WASF3: variants seen among roughly 807,000 people sequenced by gnomAD.
WASF3 encodes actin-binding protein WASF3.
A neutral mutation model predicts 46.6 loss-of-function variants in WASF3; 11 were observed. That is an observed-to-expected ratio of 0.24 (90% CI 0.15 to 0.39). WASF3 has a LOEUF of 0.39. WASF3 is among the 10% of genes least tolerant of loss of function. WASF3 has a pLI of 1.00. For missense variants in WASF3, 576 were observed against 669.8 expected (o/e 0.86, Z 1.55); for synonymous variants, 242 against 259.7 (o/e 0.93, Z 0.65).
At chr13:26,564,938 A>G (rs895463845) in intron 1 of WASF3, among the ~76,000 whole-genome samples, 1 of 100,174 alleles carries the variant, frequency 1.0e-5, no homozygotes, top group Non-Finnish European at 1.9e-5. Context: ...GTTTTGTTAC[A>G]TAGTCCTGTG....
chr13:26,559,808 C>CTT lies in WASF3; in HGVS notation c.-109+2014_-109+2015dup, dbSNP rs770616922. Among the ~76,000 whole-genome samples the CTT allele has an allele frequency of 3.1e-3, 226 of 73,420 alleles. 6 individuals are homozygous for CTT. Among genetic ancestry groups the CTT allele is most frequent in the Admixed American group, 0.017 (85 of 5,092 alleles). 48.2% of individuals were successfully genotyped at this position (73,420 alleles called of 152,430 possible). On this transcript the variant is annotated intron_variant, in intron 1 of 9. Coordinates refer to ENST00000335327, the MANE Select transcript of WASF3 (RefSeq NM_006646.6). ...TTTTCTTTTCTTTCTTTCTTTCTTT[C>CTT]TTTTTTTTTTTTTTTTTTTTTTTTT... is the stretch of plus-strand genomic sequence containing the variant.
intron 1 of WASF3, among the ~76,000 whole-genome samples, chr13:26,587,051 C>T (rs1190846236): frequency 7.6e-6 from 1 of 131,942 alleles, no homozygotes; most frequent in East Asian, 2.1e-4. Flanking sequence ...TGCAGTGAGC[C>T]AGGATTGTGC....
intron 1 of WASF3, among the ~76,000 whole-genome samples, chr13:26,598,966 G>A (rs9512282): frequency 0.18 from 27,595 of 152,078 alleles, 2,807 homozygotes; most frequent in South Asian, 0.27. Flanking sequence ...TGTCTCCAGG[G>A]TTCAAACGAT....
At chr13:26,654,281 A>G (rs1448829419) in intron 3 of WASF3, among the ~76,000 whole-genome samples, 1 of 152,172 alleles carries the variant, frequency 6.6e-6, no homozygotes, top group African/African-American at 2.4e-5. Flanking sequence ...ATTTGTCTTC[A>G]GCCTGGAAGG....
At chr13:26,623,732 A>C (rs1379204683) in intron 2 of WASF3, among the ~76,000 whole-genome samples, 1 of 152,188 alleles carries the variant, frequency 6.6e-6, no homozygotes, top group Non-Finnish European at 1.5e-5. Context: ...CAGGGAGAGC[A>C]AGGAGCCTAG....
At chr13:26,683,412 G>C (rs910745166) in intron 9 of WASF3, among the ~76,000 whole-genome samples, 14 of 152,010 alleles carry the variant, frequency 9.2e-5, no homozygotes, top group Middle Eastern at 3.4e-3. Flanking sequence ...GGAGGTCAAG[G>C]CTGCAGTGAG....
intron 3 of WASF3, among the ~76,000 whole-genome samples, chr13:26,643,856 C>T (rs1018597529): frequency 4.6e-5 from 7 of 152,202 alleles, no homozygotes; most frequent in African/African-American, 1.7e-4. Flanking sequence ...ACACAGTATG[C>T]CTTGTTCTAC....
At chr13:26,636,116 A>T (rs1361223684) in intron 2 of WASF3, among the ~76,000 whole-genome samples, 1 of 152,232 alleles carries the variant, frequency 6.6e-6, no homozygotes, top group African/African-American at 2.4e-5. Context: ...CTGCCCACAG[A>T]GGTGGAGTCT....
At chr13:26,627,111 G>A (rs575224990) in intron 2 of WASF3, among the ~76,000 whole-genome samples, 144 of 152,286 alleles carry the variant, frequency 9.5e-4, no homozygotes, top group African/African-American at 3.2e-3. Flanking sequence ...TTCAGTGCCA[G>A]TATTCAGGCA....
At chr13:26,602,091 T>C (rs1880657980) in intron 1 of WASF3, among the ~76,000 whole-genome samples, 1 of 152,190 alleles carries the variant, frequency 6.6e-6, no homozygotes, top group Non-Finnish European at 1.5e-5. Context: ...TAGCTTTATT[T>C]TTATAAAAGG....
chr13:26,575,314 CAT>C (rs1207469947), intron 1 of WASF3, among the ~76,000 whole-genome samples: 1 of 152,040 alleles, frequency 6.6e-6, no homozygotes, highest in East Asian at 1.9e-4. Context: ...CTTTTCAGGA[CAT>C]ATACAGTTTA....
intron 1 of WASF3, among the ~76,000 whole-genome samples, chr13:26,561,664 T>C (rs1879299712): frequency 6.6e-6 from 1 of 152,206 alleles, no homozygotes; most frequent in African/African-American, 2.4e-5. Flanking sequence ...CTGGGGGATG[T>C]TTCACATTGT....
intron 3 of WASF3, among the ~76,000 whole-genome samples, chr13:26,660,708 AAAAC>A (rs975296492): frequency 2.6e-5 from 4 of 152,314 alleles, no homozygotes; most frequent in African/African-American, 9.6e-5. Context: ...GTTTTTAAAA[AAAAC>A]TGTGATAAAA....
rs761694417 is a variant in WASF3 at position 26,682,820 on chromosome 13, C to T, written c.1197C>T (p.Gly399=). The T allele has an allele frequency of 1.1e-5, 18 of 1,610,238 alleles. No homozygotes were observed. In the East Asian group the frequency reaches 3.6e-4, roughly 32 times the overall value. ...TGGTCACAGCCCCGCCACCCCCGGGCCCACCACCTCCCCCGCCAGGCCCTC... is the reference window on the plus strand; with the variant it reads ...TGGTCACAGCCCCGCCACCCCCGGGTCCACCACCTCCCCCGCCAGGCCCTC... ...GLLVTAPPPP[G]PPPPPPGPPG... The change falls in exon 9 of 10, where the codon GGC becomes GGT. Residue 399 remains glycine (G), a synonymous_variant. Transcript: ENST00000335327. This position sits in a 1 kb window ranked among gnomAD's most constrained non-coding sequence, Gnocchi z 4.4.
At chr13:26,584,855 T>C (rs1162157983) in intron 1 of WASF3, among the ~76,000 whole-genome samples, 5 of 152,192 alleles carry the variant, frequency 3.3e-5, no homozygotes, top group Non-Finnish European at 7.4e-5. Flanking sequence ...AGAAAGTCCT[T>C]ATTGTGTGTT....
chr13:26,579,863 T>C (rs1879926176), intron 1 of WASF3, among the ~76,000 whole-genome samples: 1 of 152,202 alleles, frequency 6.6e-6, no homozygotes, highest in East Asian at 1.9e-4. Context: ...GAAGATGCTT[T>C]CTAGGATGAT....
At chr13:26,566,377 CTAAATA>C (rs1231641312) in intron 1 of WASF3, among the ~76,000 whole-genome samples, 1 of 151,974 alleles carries the variant, frequency 6.6e-6, no homozygotes. Flanking sequence ...AGTAATAAAG[CTAAATA>C]TAAAGAATGA....
intron 1 of WASF3, among the ~76,000 whole-genome samples, chr13:26,567,698 TAAA>T (rs60469078): frequency 1.4e-4 from 21 of 145,488 alleles, no homozygotes; most frequent in East Asian, 3.9e-4. Flanking sequence ...TAAACGACAT[TAAA>T]AAAAAAATAT....
the WASF3 span, among the ~76,000 whole-genome samples, chr13:26,552,350 A>G: frequency 6.6e-6 from 1 of 152,224 alleles, no homozygotes; most frequent in Non-Finnish European, 1.5e-5. Flanking sequence ...CCTCACCTCA[A>G]AATAAAGTTA....
Sources: allele counts gnomAD v4.1 joint callset (sites outside exome capture counted in the v4.1 genomes callset), GRCh38; gene constraint gnomAD v4.1.1; non-coding constraint Gnocchi (gnomAD v3.1); transcripts MANE v1.5; gene names NCBI Gene and HGNC (gene_info 2026-07-23, HGNC 2026-07-21).